GABRB3: variants seen among roughly 807,000 people sequenced by gnomAD.
GABRB3 encodes gamma-aminobutyric acid receptor subunit beta-3.
In GABRB3, 14 loss-of-function variants were observed where a neutral mutation model predicts 52.1. The observed-to-expected ratio is 0.27, with a 90% CI of 0.18 to 0.42. GABRB3 has a LOEUF of 0.42. GABRB3 is among the 10% of genes least tolerant of loss of function. The pLI is 1.00. For missense variants in GABRB3, 307 were observed against 609.1 expected (o/e 0.50, Z 5.22); for synonymous variants, 260 against 232.3 (o/e 1.12, Z -1.08).
At chr15:26,591,919 T>C (rs1264491603) in intron 4 of GABRB3, among the ~76,000 whole-genome samples, 1 of 152,210 alleles carries the variant, frequency 6.6e-6, no homozygotes, top group East Asian at 1.9e-4. Flanking sequence ...CAGCCCTCTG[T>C]GACTGGCTGG....
rs1889305173 is a variant in GABRB3 at position 26,547,609 on chromosome 15, C to T, written c.*184G>A. ...CTGTGTGTATAAACATATACACATA[C>T]ATCCTCATATACACGTGTATTTTAT... On this transcript the variant is annotated 3_prime_UTR_variant, in exon 9 of 9. Transcript: ENST00000311550. The T allele has an allele frequency of 1.6e-6, 1 of 619,224 alleles. No homozygotes were observed. Among genetic ancestry groups the T allele is most frequent in the Non-Finnish European group, 2.9e-6 (1 of 349,206 alleles). 38.4% of individuals were successfully genotyped at this position (619,224 alleles called of 1,614,324 possible). A position where few individuals can be genotyped will look rare whatever the true frequency, so the allele number is the denominator to read the frequency against.
chr15:26,761,944 T>C (rs1369809971), intron 3 of GABRB3, among the ~76,000 whole-genome samples: 1 of 152,128 alleles, frequency 6.6e-6, no homozygotes, highest in East Asian at 1.9e-4. Context: ...AAGATTCTTG[T>C]GACTCAGCCT....
chr15:26,716,556 G>A (rs760074076), intron 3 of GABRB3: 353 of 988,372 alleles, frequency 3.6e-4, no homozygotes, highest in Non-Finnish European at 4.1e-4. Context: ...CCCATAAACC[G>A]TCTTCACCAA....
intron 3 of GABRB3, among the ~76,000 whole-genome samples, chr15:26,694,437 AG>A (rs1888675218): frequency 6.6e-6 from 1 of 152,222 alleles, no homozygotes; most frequent in Admixed American, 6.5e-5. Context: ...AAGAACTGAA[AG>A]GCTCAGATTC....
At chr15:26,668,944 G>T (rs1887801954) in intron 3 of GABRB3, among the ~76,000 whole-genome samples, 1 of 152,190 alleles carries the variant, frequency 6.6e-6, no homozygotes, top group South Asian at 2.1e-4. Flanking sequence ...GCAAGGCTAA[G>T]ATTAATCACA....
chr15:26,604,406 G>A (rs1213515555), intron 4 of GABRB3, among the ~76,000 whole-genome samples: 1 of 152,014 alleles, frequency 6.6e-6, no homozygotes, highest in Non-Finnish European at 1.5e-5. Flanking sequence ...CACAGAAATA[G>A]AAAAAACAAT....
At chr15:26,707,093 A>G (rs1889127045) in intron 3 of GABRB3, among the ~76,000 whole-genome samples, 1 of 152,218 alleles carries the variant, frequency 6.6e-6, no homozygotes, top group Non-Finnish European at 1.5e-5. Flanking sequence ...CAAACACATG[A>G]TAAATATTTT....
Position 26,773,027 on chromosome 15 carries a change from C to T in GABRB3, c.-65G>A. 1 of 1,073,792 alleles carries T rather than the reference C, an allele frequency of 9.3e-7. No homozygotes were observed. The highest frequency in any genetic ancestry group is 1.1e-6 in the Non-Finnish European group (1 of 910,128). 66.5% of individuals were successfully genotyped at this position (1,073,792 alleles called of 1,614,324 possible). A position where few individuals can be genotyped will look rare whatever the true frequency, so the allele number is the denominator to read the frequency against. On this transcript the variant is annotated 5_prime_UTR_variant, in exon 1 of 9. Coordinates refer to ENST00000311550, the MANE Select transcript of GABRB3 (RefSeq NM_000814.6). The stretch of plus-strand genomic sequence containing the variant: ...CCGCCGTCGCGACCCGCAGCCGGGG[C>T]TGCTCCTGCTGCTGCCGCCGCCGCC...
chr15:26,701,676 T>G (rs1888941074), intron 3 of GABRB3, among the ~76,000 whole-genome samples: 1 of 152,202 alleles, frequency 6.6e-6, no homozygotes, highest in South Asian at 2.1e-4. Context: ...AACTGTGTAT[T>G]CAAATCAATT....
intron 3 of GABRB3, among the ~76,000 whole-genome samples, chr15:26,693,750 G>A (rs1030176584): frequency 3.3e-5 from 5 of 152,072 alleles, no homozygotes; most frequent in African/African-American, 7.3e-5. Context: ...GGAAACTGCC[G>A]CTGTAGCCAG....
intron 3 of GABRB3, among the ~76,000 whole-genome samples, chr15:26,670,409 G>A (rs1887858896): frequency 6.6e-6 from 1 of 152,192 alleles, no homozygotes; most frequent in African/African-American, 2.4e-5. Flanking sequence ...GACGACAGCA[G>A]GGTCGTGGCT....
At position 26,543,760 on chromosome 15, in the gene GABRB3, A is replaced by G. The variant is rs1889118263; in HGVS notation, c.*4033T>C. 1.3e-5 allele frequency: 2 copies of G among 152,656 alleles called. No individual in the cohort carries two copies. The highest frequency in any genetic ancestry group is 4.8e-5 in the African/African-American group (2 of 41,456). The allele number at this position is 152,656 out of a possible 1,614,324, so 9.5% of individuals were successfully genotyped here. On this transcript the variant is annotated 3_prime_UTR_variant, in exon 9 of 9. Coordinates refer to ENST00000311550, the MANE Select transcript of GABRB3 (RefSeq NM_000814.6). ...GACAGCAATCGCCTATTCCTACTAG[A>G]ATAATCCTGTACTTACCTTAAACAC...
At chr15:26,721,813 A>T (rs1889650912) in intron 3 of GABRB3, among the ~76,000 whole-genome samples, 1 of 151,976 alleles carries the variant, frequency 6.6e-6, no homozygotes, top group Admixed American at 6.6e-5. Flanking sequence ...CAGTGGAGAC[A>T]CCAAGAAAGA....
At chr15:26,759,685 T>C (rs1890761252) in intron 3 of GABRB3, among the ~76,000 whole-genome samples, 1 of 152,240 alleles carries the variant, frequency 6.6e-6, no homozygotes, top group African/African-American at 2.4e-5. Context: ...CACACCCCTG[T>C]CCTCTTCCTT....
intron 3 of GABRB3, chr15:26,658,860 C>T (rs1887455689): frequency 6.6e-6 from 1 of 152,214 alleles, no homozygotes; most frequent in Admixed American, 6.5e-5. Flanking sequence ...AAACGGAACC[C>T]TCAAAACCAT....
At chr15:26,742,431 G>T (rs1890233512) in intron 3 of GABRB3, among the ~76,000 whole-genome samples, 1 of 148,762 alleles carries the variant, frequency 6.7e-6, no homozygotes, top group African/African-American at 2.5e-5. Flanking sequence ...TTATATTCAA[G>T]ATGTGGTCCA....
In GABRB3 at chr15:26,621,738, G is replaced by A. The variant is rs1892492584; in HGVS notation, c.241-204C>T. ...TTTTAATAGGTACATGAGTCTGTGT[G>A]TGTCACGTATAGATGTCCTCTGTTT... On this transcript the variant is annotated intron_variant, in intron 3 of 8. Transcript: ENST00000311550. The surrounding 1 kb of genome is among the most constrained non-coding windows in gnomAD (Gnocchi z 4.1). Among the ~76,000 whole-genome samples, 2 of 152,178 alleles carry A rather than the reference G, an allele frequency of 1.3e-5. No individual in the cohort carries two copies. The highest frequency in any genetic ancestry group is 6.5e-5 in the Admixed American group (1 of 15,272).
chr15:26,773,030 C>T lies in GABRB3; in HGVS notation c.-68G>A, dbSNP rs1285095816. ...CCGTCGCGACCCGCAGCCGGGGCTG[C>T]TCCTGCTGCTGCCGCCGCCGCCGCC... On this transcript the variant is annotated 5_prime_UTR_variant, in exon 1 of 9. Transcript: ENST00000311550. The T allele has an allele frequency of 1.7e-5, 18 of 1,072,300 alleles. No homozygotes were observed. The highest frequency in any genetic ancestry group is 1.1e-4 in the East Asian group (2 of 18,438). 66.4% of individuals were successfully genotyped at this position (1,072,300 alleles called of 1,614,324 possible).
chr15:26,682,097 C>T (rs947746531), intron 3 of GABRB3, among the ~76,000 whole-genome samples: 16 of 151,996 alleles, frequency 1.1e-4, no homozygotes, highest in African/African-American at 3.9e-4. Context: ...AAATGATTTA[C>T]CCTTAGGTTT....
Sources: gnomAD v4.1 joint callset for allele counts (sites outside exome capture counted in the v4.1 genomes callset) on GRCh38, gnomAD v4.1.1 for gene constraint, Gnocchi (gnomAD v3.1) non-coding constraint, MANE v1.5 for transcripts, NCBI Gene and HGNC (gene_info 2026-07-23, HGNC 2026-07-21) for gene names.